DLGAP2: variants seen among roughly 807,000 people sequenced by gnomAD.
DLGAP2 encodes disks large-associated protein 2.
DLGAP2 carries 26 observed loss-of-function variants against 100.3 expected under a neutral mutation model. The observed-to-expected ratio is 0.26, with a 90% confidence interval of 0.19 to 0.36. The LOEUF (loss-of-function observed/expected upper bound fraction) is 0.36, where lower values mean the gene tolerates loss of function less well. Ranked by LOEUF, DLGAP2 falls within the 10% of genes least tolerant of loss-of-function variation. The pLI is 1.00. For missense variants in DLGAP2, 1,858 were observed against 1,453.2 expected (o/e 1.28, Z -4.53); for synonymous variants, 886 against 630.1 (o/e 1.41, Z -6.08).
intron 2 of DLGAP2, among the ~76,000 whole-genome samples, chr8:1,168,641 G>A (rs1422267009): frequency 6.7e-6 from 1 of 148,268 alleles, no homozygotes; most frequent in Non-Finnish European, 1.5e-5. Context: ...GTGATGGTGA[G>A]CATTTTTTCA....
intron 3 of DLGAP2, among the ~76,000 whole-genome samples, chr8:1,265,157 C>G (rs78911281): frequency 0.17 from 26,113 of 152,070 alleles, 2,411 homozygotes; most frequent in Admixed American, 0.24. Context: ...AACCAAAGCC[C>G]TAGAAGTAAT....
At chr8:1,636,026 C>T (rs562582756) in intron 8 of DLGAP2, among the ~76,000 whole-genome samples, 1 of 152,300 alleles carries the variant, frequency 6.6e-6, no homozygotes, top group South Asian at 2.1e-4. Flanking sequence ...TTCGTCCCAC[C>T]GTTTCTCTCA....
At chr8:1,463,499 C>G (rs745619913) in intron 3 of DLGAP2, among the ~76,000 whole-genome samples, 1 of 152,230 alleles carries the variant, frequency 6.6e-6, no homozygotes, top group African/African-American at 2.4e-5. Flanking sequence ...CAGGCAGCCT[C>G]GGGTATGGTT....
At chr8:930,542 A>G (rs1233671396) in intron 2 of DLGAP2, among the ~76,000 whole-genome samples, 1 of 152,228 alleles carries the variant, frequency 6.6e-6, no homozygotes, top group Admixed American at 6.5e-5. Context: ...ATAGATTGCC[A>G]GGCAGACAGA....
chr8:1,657,541 A>G (rs980092382), intron 8 of DLGAP2, among the ~76,000 whole-genome samples: 2 of 152,222 alleles, frequency 1.3e-5, no homozygotes, highest in African/African-American at 4.8e-5. Context: ...ATCATTTTGA[A>G]TTCTTTCTTT....
chr8:1,675,791 C>T (rs1180134942), intron 10 of DLGAP2, among the ~76,000 whole-genome samples: 1 of 151,840 alleles, frequency 6.6e-6, no homozygotes, highest in East Asian at 1.9e-4. Flanking sequence ...GCTTAACTAA[C>T]CTTTGGTTTC....
At chr8:1,268,700 G>A (rs1426242595) in intron 3 of DLGAP2, among the ~76,000 whole-genome samples, 1 of 152,170 alleles carries the variant, frequency 6.6e-6, no homozygotes. Context: ...AGAGTTACAT[G>A]TCTCTGCAGA....
At chr8:1,540,115 C>T (rs146611030) in intron 4 of DLGAP2, among the ~76,000 whole-genome samples, 174 of 152,294 alleles carry the variant, frequency 1.1e-3, no homozygotes, top group Admixed American at 2.5e-3. Flanking sequence ...GTGGACGCAC[C>T]GTGCCTGGAA....
At chr8:1,420,122 G>A (rs1216575910) in intron 3 of DLGAP2, among the ~76,000 whole-genome samples, 1 of 152,244 alleles carries the variant, frequency 6.6e-6, no homozygotes, top group South Asian at 2.1e-4. Flanking sequence ...GTCTGGGGTC[G>A]GGAGGGGCTG....
chr8:1,518,944 C>T (rs1800490139), intron 4 of DLGAP2, among the ~76,000 whole-genome samples: 1 of 152,120 alleles, frequency 6.6e-6, no homozygotes. Context: ...AAGATGAGAC[C>T]AACTCTGCTT....
intron 12 of DLGAP2, among the ~76,000 whole-genome samples, chr8:1,680,151 A>G (rs1585057056): frequency 6.6e-6 from 1 of 152,198 alleles, no homozygotes; most frequent in Admixed American, 6.5e-5. Flanking sequence ...TCACAAAGCT[A>G]TTTCTGAATG....
intron 2 of DLGAP2, among the ~76,000 whole-genome samples, chr8:1,034,328 C>T (rs370787309): frequency 1.1e-3 from 17 of 15,480 alleles, no homozygotes; most frequent in Admixed American, 2.2e-3. Flanking sequence ...ACCCTCATCC[C>T]GACCCCGCGT....
At chr8:920,972 C>T (rs180750701) in intron 2 of DLGAP2, among the ~76,000 whole-genome samples, 2 of 152,206 alleles carry the variant, frequency 1.3e-5, no homozygotes, top group Non-Finnish European at 2.9e-5. Flanking sequence ...GCCTATCATT[C>T]ATTCCCCGGG....
At chr8:1,003,731 T>C (rs1177633057) in intron 2 of DLGAP2, among the ~76,000 whole-genome samples, 1 of 152,200 alleles carries the variant, frequency 6.6e-6, no homozygotes, top group Non-Finnish European at 1.5e-5. Flanking sequence ...CATCTAGGGC[T>C]GTTGTCTGAG....
chr8:1,415,317 TC>T (rs1033365962), intron 3 of DLGAP2, among the ~76,000 whole-genome samples: 5 of 152,224 alleles, frequency 3.3e-5, no homozygotes, highest in African/African-American at 1.2e-4. Flanking sequence ...AATTTTTTTT[TC>T]AACTTTTATT....
rs370330095 is a variant in DLGAP2, at chr8:1,548,762, C to T, written c.309C>T (p.Pro103=). The T allele has an allele frequency of 1.9e-6, 3 of 1,600,938 alleles. No individual in the cohort carries two copies. The South Asian group carries it at 3.4e-5, about 18-fold the overall frequency. Reference sequence around the variant, plus strand: ...CCGGGCACACGTGTGGTCTGGCGCCCCCGGAGGACTGCGAGCACCTGCACC... The same window carrying T: ...CCGGGCACACGTGTGGTCTGGCGCCTCCGGAGGACTGCGAGCACCTGCACC... ...LCSGHTCGLA[P]PEDCEHLHHG... is the part of the protein sequence containing the mutation. Residue 103 remains proline, a synonymous_variant, in exon 5 of 15, where the codon CCC becomes CCT. Transcript: ENST00000637795.
In DLGAP2 at chr8:1,157,174, T is replaced by C. The variant is rs573528485; in HGVS notation, c.74-101677T>C. 1.9e-3 allele frequency among the ~76,000 whole-genome samples: 294 copies of C among 152,220 alleles called. 3 individuals carry two copies. In the South Asian group the frequency reaches 0.022, roughly 11 times the overall value. ...ACCGCGGGGAAAAGTTCTCTCTCTTTAGCTGTGATCAGCCTGTGGGTTCCG... is the reference window on the plus strand; with the variant it reads ...ACCGCGGGGAAAAGTTCTCTCTCTTCAGCTGTGATCAGCCTGTGGGTTCCG... On this transcript the variant is annotated intron_variant, in intron 2 of 14. Coordinates refer to ENST00000637795, the MANE Select transcript of DLGAP2 (RefSeq NM_001346810.2).
At chr8:1,325,064 C>A (rs1444434849) in intron 3 of DLGAP2, among the ~76,000 whole-genome samples, 1 of 152,230 alleles carries the variant, frequency 6.6e-6, no homozygotes, top group African/African-American at 2.4e-5. Flanking sequence ...GATGGATGCT[C>A]TGCCTGGCAT....
chr8:1,549,404 G>C lies in DLGAP2; in HGVS notation c.951G>C (p.Arg317=). The C allele has an allele frequency of 6.2e-7, 1 of 1,613,414 alleles. No homozygotes were observed. Among genetic ancestry groups the C allele is most frequent in the African/African-American group, 1.3e-5 (1 of 75,050 alleles). The part of the protein sequence containing the change: ...STYRTPSVLN[R]HHLGPVAHCY... The stretch of plus-strand genomic sequence containing the variant: ...ATCGGACGCCCAGCGTGCTCAACCG[G>C]CACCACCTGGGCCCCGTGGCCCACT... Residue 317 remains arginine (R), a synonymous_variant, in exon 5 of 15, where the codon CGG becomes CGC. Coordinates refer to ENST00000637795, the MANE Select transcript of DLGAP2 (RefSeq NM_001346810.2).
Sources: gnomAD v4.1 joint callset for allele counts (sites outside exome capture counted in the v4.1 genomes callset) on GRCh38, gnomAD v4.1.1 for gene constraint, MANE v1.5 for transcripts, NCBI Gene and HGNC (gene_info 2026-07-23, HGNC 2026-07-21) for gene names.